The following PHYHIPL variants were observed in gnomAD, a reference collection of about 807,000 sequenced individuals.
PHYHIPL encodes phytanoyl-CoA 2-hydroxylase interacting protein like.
In PHYHIPL, 9 loss-of-function variants were observed where a neutral mutation model predicts 33.4. The ratio of observed to expected loss-of-function variants is 0.27; its 90% CI spans 0.16 to 0.47. The LOEUF (loss-of-function observed/expected upper bound fraction) is 0.47, where lower values mean the gene tolerates loss of function less well. Among genes scored for constraint, PHYHIPL ranks in the 20% least tolerant of loss-of-function variants. The probability of loss-of-function intolerance (pLI) is 0.99; values close to 1 mark genes in which losing one functional copy is unlikely to be tolerated. For missense variants in PHYHIPL, 365 were observed against 460.7 expected (o/e 0.79, Z 1.90); for synonymous variants, 153 against 154.1 (o/e 0.99, Z 0.05).
chr10:59,193,049 C>G (rs1419571391), intron 1 of PHYHIPL, among the ~76,000 whole-genome samples: 1 of 152,068 alleles, frequency 6.6e-6, no homozygotes, highest in Non-Finnish European at 1.5e-5. Flanking sequence ...TCTTCTTCAT[C>G]AAGTGTTCTT....
intron 1 of PHYHIPL, among the ~76,000 whole-genome samples, chr10:59,195,184 AAT>A (rs1160627580): frequency 8.0e-6 from 1 of 125,704 alleles, no homozygotes; most frequent in South Asian, 3.2e-4. Flanking sequence ...TTGCTTTTAA[AAT>A]GACTTTTATT....
At position 59,247,466 on chromosome 10, in the gene PHYHIPL, A is replaced by C; in HGVS notation, c.*1875A>C. The C allele has an allele frequency of 2.2e-6, 2 of 927,538 alleles. No individual in the cohort carries two copies. Among genetic ancestry groups the C allele is most frequent in the Non-Finnish European group, 3.3e-6 (2 of 600,240 alleles). The allele number at this position is 927,538 out of a possible 1,614,324, so 57.5% of individuals were successfully genotyped here. On this transcript the variant is annotated 3_prime_UTR_variant, in exon 5 of 5. Transcript: ENST00000373880. ...AAATCCCTTCTCCTTGTATATAATT[A>C]AACTTGCTATTCCTTCTTAAAAACA...
At chr10:59,210,197 A>T (rs1839404267) in intron 1 of PHYHIPL, among the ~76,000 whole-genome samples, 1 of 152,226 alleles carries the variant, frequency 6.6e-6, no homozygotes, top group African/African-American at 2.4e-5. Flanking sequence ...AAGGGCTAAT[A>T]TCCAGAATCT....
At chr10:59,214,521 G>A (rs550284780) in intron 1 of PHYHIPL, among the ~76,000 whole-genome samples, 1 of 152,112 alleles carries the variant, frequency 6.6e-6, no homozygotes, top group South Asian at 2.1e-4. Context: ...TATGTTGATG[G>A]TGTTATTTTG....
intron 1 of PHYHIPL, among the ~76,000 whole-genome samples, chr10:59,187,176 G>A (rs1448889290): frequency 3.3e-5 from 5 of 152,158 alleles, no homozygotes; most frequent in Admixed American, 2.0e-4. Context: ...AGCATGAAGT[G>A]TTGTTGAATT....
At chr10:59,185,505 GTAT>G in intron 1 of PHYHIPL, among the ~76,000 whole-genome samples, 1 of 152,186 alleles carries the variant, frequency 6.6e-6, no homozygotes, top group Non-Finnish European at 1.5e-5. Context: ...GGGTCAAATG[GTAT>G]TTCTAATTCT....
intron 1 of PHYHIPL, among the ~76,000 whole-genome samples, chr10:59,199,407 T>C (rs1032682402): frequency 2.0e-5 from 3 of 152,160 alleles, no homozygotes; most frequent in African/African-American, 7.2e-5. Flanking sequence ...TTCTGTTCCA[T>C]TGGTCTCTAT....
chr10:59,177,681 G>A (rs1838290767), intron 1 of PHYHIPL: 1 of 1,525,010 alleles, frequency 6.6e-7, no homozygotes, highest in Non-Finnish European at 8.9e-7. Context: ...GCAGGCTCCT[G>A]TGGAAGGAAA....
chr10:59,235,203 A>G (rs921365197), intron 2 of PHYHIPL, among the ~76,000 whole-genome samples: 1 of 151,568 alleles, frequency 6.6e-6, no homozygotes, highest in African/African-American at 2.4e-5. Context: ...TTTGATAATG[A>G]AATTTTTTTG....
chr10:59,216,142 A>G (rs1839607399), intron 1 of PHYHIPL, among the ~76,000 whole-genome samples: 2 of 152,110 alleles, frequency 1.3e-5, no homozygotes, highest in African/African-American at 4.8e-5. Context: ...AGAGAGAGGA[A>G]TTTACAGTAC....
intron 1 of PHYHIPL, among the ~76,000 whole-genome samples, chr10:59,180,720 A>C (rs933944010): frequency 1.3e-5 from 2 of 152,148 alleles, no homozygotes; most frequent in African/African-American, 4.8e-5. Flanking sequence ...TAAAAAGATA[A>C]ATTTCTTTGA....
chr10:59,230,049 G>T (rs1273944800), intron 1 of PHYHIPL, among the ~76,000 whole-genome samples: 1 of 152,052 alleles, frequency 6.6e-6, no homozygotes, highest in African/African-American at 2.4e-5. Flanking sequence ...TGCATAGATT[G>T]AGGTATGTGA....
chr10:59,239,953 A>T (rs1840341409), intron 4 of PHYHIPL, among the ~76,000 whole-genome samples: 1 of 152,112 alleles, frequency 6.6e-6, no homozygotes, highest in Non-Finnish European at 1.5e-5. Flanking sequence ...TTTGAAGACC[A>T]TGGTTCCAGA....
intron 1 of PHYHIPL, among the ~76,000 whole-genome samples, chr10:59,206,197 T>C (rs1435032693): frequency 6.6e-6 from 1 of 152,184 alleles, no homozygotes; most frequent in African/African-American, 2.4e-5. Context: ...GATTTTGCCT[T>C]TCATGGTTTC....
intron 1 of PHYHIPL, among the ~76,000 whole-genome samples, chr10:59,189,063 TTGA>T (rs2133196092): frequency 6.6e-6 from 1 of 152,230 alleles, no homozygotes; most frequent in African/African-American, 2.4e-5. Flanking sequence ...TATAATTATA[TTGA>T]TGCATATTAC....
intron 1 of PHYHIPL, among the ~76,000 whole-genome samples, chr10:59,197,743 A>G (rs1294007067): frequency 6.6e-6 from 1 of 152,206 alleles, no homozygotes; most frequent in Non-Finnish European, 1.5e-5. Flanking sequence ...ACAATTACCA[A>G]CAATTCCAGG....
At chr10:59,227,975 G>GAGAGATATATATATATATAT (rs10530291) in intron 1 of PHYHIPL, among the ~76,000 whole-genome samples, 35 of 145,566 alleles carry the variant, frequency 2.4e-4, no homozygotes, top group African/African-American at 8.5e-4. Flanking sequence ...TGCCTATTGA[G>GAGAGATATATATATATATAT]ATATATATAT....
intron 1 of PHYHIPL, among the ~76,000 whole-genome samples, chr10:59,197,376 C>A (rs1453560745): frequency 6.6e-6 from 1 of 152,118 alleles, no homozygotes; most frequent in Non-Finnish European, 1.5e-5. Context: ...TGTTAAGAAA[C>A]CTTAAACCTT....
chr10:59,225,931 C>A (rs1409541830), intron 1 of PHYHIPL, among the ~76,000 whole-genome samples: 1 of 151,920 alleles, frequency 6.6e-6, no homozygotes, highest in Non-Finnish European at 1.5e-5. Flanking sequence ...CAAAATGAGA[C>A]CTATCTATGA....
Sources: gnomAD v4.1 joint callset for allele counts (sites outside exome capture counted in the v4.1 genomes callset) on GRCh38, gnomAD v4.1.1 for gene constraint, MANE v1.5 for transcripts, NCBI Gene and HGNC (gene_info 2026-07-23, HGNC 2026-07-21) for gene names.